The following RBFOX1 variants were observed in gnomAD, a reference collection of about 807,000 sequenced individuals.
The protein encoded by RBFOX1 is RNA binding fox-1 homolog 1.
Under a neutral mutation model 57.7 loss-of-function variants are expected in RBFOX1, and 8 were observed. The observed-to-expected ratio is 0.14, with a 90% CI of 0.08 to 0.25. The LOEUF (loss-of-function observed/expected upper bound fraction) is 0.25. RBFOX1 is among the 10% of genes least tolerant of loss of function. The pLI is 1.00. For synonymous variants in RBFOX1, 326 were observed against 222.4 expected, an observed-to-expected ratio of 1.47 and a Z score of -4.15; for missense variants, 611 against 548.5, an observed-to-expected ratio of 1.11 and a Z score of -1.14.
intron 4 of RBFOX1, among the ~76,000 whole-genome samples, chr16:7,472,341 C>T (rs1326120557): frequency 3.3e-5 from 5 of 151,704 alleles, no homozygotes; most frequent in African/African-American, 9.7e-5. Flanking sequence ...AGGGGATCTT[C>T]GTCAACAACA....
intron 3 of RBFOX1, among the ~76,000 whole-genome samples, chr16:6,962,189 G>T (rs1000759704): frequency 3.9e-5 from 6 of 152,122 alleles, no homozygotes; most frequent in African/African-American, 1.2e-4. Flanking sequence ...GTTTATGGCA[G>T]AATGACTCCA....
intron 2 of RBFOX1, among the ~76,000 whole-genome samples, chr16:5,526,537 C>T (rs893250094): frequency 1.3e-5 from 2 of 152,166 alleles, no homozygotes; most frequent in Non-Finnish European, 2.9e-5. Context: ...GATCTGCCCA[C>T]CTCAGCCTCC....
At chr16:6,328,419 A>G (rs1425837041) in intron 2 of RBFOX1, among the ~76,000 whole-genome samples, 2 of 152,190 alleles carry the variant, frequency 1.3e-5, no homozygotes, top group Non-Finnish European at 2.9e-5. Flanking sequence ...GTTCCCCCCA[A>G]AAACCGATGG....
intron 2 of RBFOX1, among the ~76,000 whole-genome samples, chr16:5,519,381 TG>T (rs1424309446): frequency 6.6e-6 from 1 of 152,184 alleles, no homozygotes; most frequent in African/African-American, 2.4e-5. Flanking sequence ...TTTATCATTA[TG>T]GGATAAATGT....
chr16:7,241,294 C>A (rs960670284), intron 4 of RBFOX1, among the ~76,000 whole-genome samples: 16 of 152,118 alleles, frequency 1.1e-4, no homozygotes, highest in African/African-American at 3.9e-4. Context: ...CTAATTCTCT[C>A]AGCTTGAGTA....
intron 6 of RBFOX1, among the ~76,000 whole-genome samples, chr16:7,582,107 G>A (rs2093817762): frequency 6.7e-6 from 1 of 150,308 alleles, no homozygotes; most frequent in South Asian, 2.1e-4. Context: ...TCGGCTCATT[G>A]CAACCTTTCT....
intron 4 of RBFOX1, among the ~76,000 whole-genome samples, chr16:7,184,490 A>G (rs918907114): frequency 1.3e-5 from 2 of 152,218 alleles, no homozygotes; most frequent in African/African-American, 4.8e-5. Context: ...ACCTCCTCTG[A>G]CATAGTTATT....
At chr16:6,890,747 C>A (rs1596328986) in intron 3 of RBFOX1, among the ~76,000 whole-genome samples, 1 of 152,162 alleles carries the variant, frequency 6.6e-6, no homozygotes, top group Non-Finnish European at 1.5e-5. Context: ...TGCCTAAATT[C>A]ACTGTCACCT....
At chr16:6,565,341 C>T (rs892829194) in intron 2 of RBFOX1, among the ~76,000 whole-genome samples, 1 of 151,940 alleles carries the variant, frequency 6.6e-6, no homozygotes, top group Non-Finnish European at 1.5e-5. Context: ...ACTGCAACCT[C>T]CATCTCCCAG....
At chr16:6,648,092 C>G (rs964127471) in intron 2 of RBFOX1, among the ~76,000 whole-genome samples, 1 of 152,198 alleles carries the variant, frequency 6.6e-6, no homozygotes. Flanking sequence ...ATCCACCTGC[C>G]TTGGCCTCCC....
At chr16:7,370,502 C>A (rs564991455) in intron 4 of RBFOX1, among the ~76,000 whole-genome samples, 71 of 152,316 alleles carry the variant, frequency 4.7e-4, no homozygotes, top group Non-Finnish European at 8.4e-4. Flanking sequence ...CTGTCTCCCT[C>A]ACTTTCCCTT....
chr16:5,264,415 A>C (rs983834940), intron 1 of RBFOX1, among the ~76,000 whole-genome samples: 1 of 152,130 alleles, frequency 6.6e-6, no homozygotes, highest in African/African-American at 2.4e-5. Flanking sequence ...GTGGTCCCCA[A>C]ATGGTGTTCT....
intron 3 of RBFOX1, among the ~76,000 whole-genome samples, chr16:6,736,195 C>T (rs546467399): frequency 3.3e-5 from 5 of 151,898 alleles, no homozygotes; most frequent in South Asian, 2.1e-4. Flanking sequence ...TTTATTTTTC[C>T]ATAAGTTATT....
chr16:5,510,980 A>G (rs2043564505), intron 2 of RBFOX1, among the ~76,000 whole-genome samples: 1 of 152,078 alleles, frequency 6.6e-6, no homozygotes, highest in Non-Finnish European at 1.5e-5. Flanking sequence ...CCACATGACT[A>G]TTATTTTTCC....
chr16:6,624,711 C>G (rs1054387591), intron 2 of RBFOX1, among the ~76,000 whole-genome samples: 1 of 152,016 alleles, frequency 6.6e-6, no homozygotes, highest in Non-Finnish European at 1.5e-5. Flanking sequence ...CGTTGTAAAA[C>G]AAAGAAAGAA....
At chr16:5,445,987 A>G (rs1313980183) in intron 1 of RBFOX1, among the ~76,000 whole-genome samples, 1 of 152,226 alleles carries the variant, frequency 6.6e-6, no homozygotes, top group African/African-American at 2.4e-5. Context: ...CTAACAAGTA[A>G]AAGACCCTTT....
rs555434939 is a variant in RBFOX1, at chr16:6,691,217, G to C, written c.-16+36567G>C. 8.5e-5 allele frequency among the ~76,000 whole-genome samples: 13 copies of C among 152,276 alleles called. No individual in the cohort carries two copies. In the South Asian group the frequency reaches 2.7e-3, roughly 32 times the overall value. On this transcript the variant is annotated intron_variant, in intron 3 of 15. Coordinates refer to ENST00000550418, the MANE Select transcript of RBFOX1 (RefSeq NM_018723.4). ...GGAGCTAGATGTCACTCCCATCAGA[G>C]GATGGTTTTCTGTCCCTATAAAATT...
intron 2 of RBFOX1, among the ~76,000 whole-genome samples, chr16:5,470,400 G>C (rs190435345): frequency 4.6e-5 from 7 of 152,314 alleles, no homozygotes; most frequent in African/African-American, 1.4e-4. Context: ...ACGTTGGGAA[G>C]TCTGTGCAGT....
intron 2 of RBFOX1, among the ~76,000 whole-genome samples, chr16:6,327,357 C>G (rs925179619): frequency 8.5e-5 from 13 of 152,082 alleles, no homozygotes; most frequent in African/African-American, 2.9e-4. Flanking sequence ...ATACCAGAAT[C>G]ACTAGAGTTA....
Sources: gnomAD v4.1 joint callset for allele counts (sites outside exome capture counted in the v4.1 genomes callset) on GRCh38, gnomAD v4.1.1 for gene constraint, MANE v1.5 for transcripts, NCBI Gene and HGNC (gene_info 2026-07-23, HGNC 2026-07-21) for gene names.